Variants in RBFOX3 observed in about 807,000 individuals in gnomAD.
RBFOX3 encodes the protein RNA binding protein fox-1 homolog 3.
RBFOX3 carries 17 observed loss-of-function variants against 48.7 expected under a neutral mutation model. The ratio of observed to expected loss-of-function variants is 0.35; its 90% CI spans 0.24 to 0.52. RBFOX3 has a LOEUF of 0.52. RBFOX3 is among the 20% of genes least tolerant of loss of function. The pLI is 0.94. For synonymous variants in RBFOX3, 212 were observed against 209.5 expected (o/e 1.01, Z -0.10); for missense variants, 382 against 497.5 (o/e 0.77, Z 2.21).
chr17:79,563,016 G>C (rs1477785698), intron 1 of RBFOX3, among the ~76,000 whole-genome samples: 3 of 152,244 alleles, frequency 2.0e-5, no homozygotes, highest in African/African-American at 7.2e-5. Context: ...GTGCCAGCCA[G>C]CACTCGCCCA....
At chr17:79,613,467 A>AT (rs2093982670), upstream of RBFOX3, among the ~76,000 whole-genome samples, 1 of 152,206 alleles carries the variant, frequency 6.6e-6, no homozygotes, top group South Asian at 2.1e-4. Flanking sequence ...GAGATTTTCC[A>AT]TTTGGGGACG....
chr17:79,236,158 C>T (rs1484598930), intron 3 of RBFOX3, among the ~76,000 whole-genome samples: 2 of 152,218 alleles, frequency 1.3e-5, no homozygotes, highest in Admixed American at 6.5e-5. Flanking sequence ...TGTCCACAAA[C>T]GCAGGCCTTG....
chr17:79,126,597 C>G (rs907844767), intron 4 of RBFOX3, among the ~76,000 whole-genome samples: 15 of 152,146 alleles, frequency 9.9e-5, no homozygotes, highest in Non-Finnish European at 1.5e-4. Flanking sequence ...TCTATACACC[C>G]AAGGGCGTGC....
chr17:79,575,459 G>T (rs1357606369), intron 1 of RBFOX3, among the ~76,000 whole-genome samples: 5 of 152,134 alleles, frequency 3.3e-5, no homozygotes, highest in Non-Finnish European at 7.4e-5. Flanking sequence ...GCAGGGCTGG[G>T]GGACGGACCT....
At chr17:79,596,234 G>A (rs1013867213) in intron 1 of RBFOX3, among the ~76,000 whole-genome samples, 61 of 152,216 alleles carry the variant, frequency 4.0e-4, no homozygotes, top group African/African-American at 1.3e-3. Context: ...GGAAGGAGGG[G>A]AAGAAGCTCC....
chr17:79,554,881 G>A (rs2091493802), intron 1 of RBFOX3, among the ~76,000 whole-genome samples: 1 of 152,146 alleles, frequency 6.6e-6, no homozygotes, highest in Admixed American at 6.5e-5. Flanking sequence ...TGGAATAGAA[G>A]ACCCGGGCTT....
intron 8 of RBFOX3, 145 bp from the exon 9 acceptor site, chr17:79,101,789 G>T: frequency 1.3e-6 from 1 of 779,512 alleles, no homozygotes; most frequent in South Asian, 1.6e-5. Flanking sequence ...TGCCCTCCGG[G>T]AGCCTTGGCC....
chr17:79,286,444 G>C (rs930842682), intron 3 of RBFOX3, among the ~76,000 whole-genome samples: 34 of 152,078 alleles, frequency 2.2e-4, no homozygotes, highest in Non-Finnish European at 4.4e-5. Context: ...CTCTCCCCCT[G>C]CAGCCTGCTC....
the RBFOX3 span, among the ~76,000 whole-genome samples, chr17:79,637,478 G>A: frequency 6.6e-5 from 10 of 152,118 alleles, no homozygotes; most frequent in East Asian, 1.9e-3. Flanking sequence ...TGGATCACCT[G>A]AGGTCAGGAG....
rs931906194 is a variant in RBFOX3 at position 79,242,876 on chromosome 17, C to T, written c.-73-7071G>A. ...GGCTCCACAGCAACCTGCCTGGAGT[C>T]CCACCTTCAAGGTCCTTCTAGGCAC... On this transcript the variant is annotated intron_variant, in intron 3 of 14. Transcript: ENST00000693108. This position sits in a 1 kb window ranked among gnomAD's most constrained non-coding sequence, Gnocchi z 5.8. Among the ~76,000 whole-genome samples, 4 of 152,278 alleles carry T rather than the reference C, an allele frequency of 2.6e-5. No individual in the cohort carries two copies. Among genetic ancestry groups the T allele is most frequent in the African/African-American group, 9.6e-5 (4 of 41,562 alleles).
intron 10 of RBFOX3, 41 bp downstream of exon 10, chr17:79,097,651 T>C (rs1239637011): frequency 5.0e-6 from 7 of 1,412,474 alleles, no homozygotes; most frequent in East Asian, 2.7e-5. Context: ...CGGGGCCAAG[T>C]AGCTGGTCTC....
chr17:79,444,627 T>C (rs988304931), intron 2 of RBFOX3, among the ~76,000 whole-genome samples: 9 of 151,744 alleles, frequency 5.9e-5, no homozygotes, highest in Non-Finnish European at 2.9e-5. Flanking sequence ...GCTTCCAGAG[T>C]CTCCCTCAGA....
chr17:79,618,953 G>T, the RBFOX3 span, among the ~76,000 whole-genome samples: 1 of 152,148 alleles, frequency 6.6e-6, no homozygotes, highest in Non-Finnish European at 1.5e-5. Flanking sequence ...GCCCAGTCGG[G>T]GTTTCTGCTC....
At chr17:79,412,122 GT>G in intron 2 of RBFOX3, among the ~76,000 whole-genome samples, 1 of 152,250 alleles carries the variant, frequency 6.6e-6, no homozygotes, top group South Asian at 2.1e-4. Flanking sequence ...ATAAATGTGT[GT>G]GGTGTATATG....
chr17:79,099,588 G>C (rs748410772), intron 9 of RBFOX3: 22 of 152,270 alleles, frequency 1.4e-4, no homozygotes, highest in Non-Finnish European at 3.1e-4. Context: ...GGGCGAGTGA[G>C]ACTTGGAGGC....
the RBFOX3 span, among the ~76,000 whole-genome samples, chr17:79,635,059 CAAAAAAAAAAAAAAAAAAAAAAAAAAAAA>C: frequency 1.6e-3 from 87 of 53,526 alleles, no homozygotes; most frequent in Non-Finnish European, 2.4e-3. Context: ...GACTCCATCT[CAAAAAAAAAAAAAAAAAAAAAAAAAAAAA>C]AAAAAAAAAA....
intron 1 of RBFOX3, among the ~76,000 whole-genome samples, chr17:79,501,288 G>A (rs1056721027): frequency 6.6e-6 from 1 of 152,200 alleles, no homozygotes; most frequent in Non-Finnish European, 1.5e-5. Flanking sequence ...TTCACTGGGC[G>A]GGCTCAGCCG....
In RBFOX3 at chr17:79,299,836, T is replaced by C. The variant is rs1220238903; in HGVS notation, c.-74+7888A>G. The stretch of plus-strand genomic sequence containing the variant: ...ATGCCAAGGGGAGCAGCCACATCCC[T>C]GCCTCCAGCATCTCTGTTTAGCCAG... On this transcript the variant is annotated intron_variant, in intron 3 of 14. Transcript: ENST00000693108. The surrounding 1 kb of genome is among the most constrained non-coding windows in gnomAD (Gnocchi z 4.5). 6.6e-6 allele frequency among the ~76,000 whole-genome samples: 1 copy of C among 151,946 alleles called. No homozygotes were observed. The highest frequency in any genetic ancestry group is 1.5e-5 in the Non-Finnish European group (1 of 68,012).
intron 3 of RBFOX3, among the ~76,000 whole-genome samples, chr17:79,277,998 G>A (rs1401094807): frequency 6.6e-6 from 1 of 152,228 alleles, no homozygotes; most frequent in Non-Finnish European, 1.5e-5. Flanking sequence ...AGCCTGATTG[G>A]AGACTTCTGT....
Sources: allele counts gnomAD v4.1 joint callset (sites outside exome capture counted in the v4.1 genomes callset), GRCh38; gene constraint gnomAD v4.1.1; non-coding constraint Gnocchi (gnomAD v3.1); transcripts MANE v1.5; gene names NCBI Gene and HGNC (gene_info 2026-07-23, HGNC 2026-07-21).